LARP1: variants seen among roughly 807,000 people sequenced by gnomAD.
LARP1 encodes the protein La ribonucleoprotein 1, translational regulator.
A neutral mutation model predicts 122.7 loss-of-function variants in LARP1; 36 were observed. The ratio of observed to expected loss-of-function variants is 0.29; its 90% CI spans 0.22 to 0.39. The LOEUF (loss-of-function observed/expected upper bound fraction) is 0.39, where lower values mean the gene tolerates loss of function less well. Ranked by LOEUF, LARP1 falls within the 10% of genes least tolerant of loss-of-function variation. The probability of loss-of-function intolerance (pLI) is 1.00; values close to 1 mark genes in which losing one functional copy is unlikely to be tolerated. For missense variants in LARP1, 1,040 were observed against 1,403.6 expected, an observed-to-expected ratio of 0.74 and a Z score of 4.14; for synonymous variants, 539 against 528.7, an observed-to-expected ratio of 1.02 and a Z score of -0.27.
intron 1 of LARP1, among the ~76,000 whole-genome samples, chr5:154,779,301 A>G (rs1353536777): frequency 4.6e-5 from 7 of 152,148 alleles, no homozygotes; most frequent in Non-Finnish European, 8.8e-5. Context: ...TACAAGCTAC[A>G]TGAGAGATTG....
At chr5:154,697,938 G>GC (rs1266122878) in intron 1 of LARP1, among the ~76,000 whole-genome samples, 2 of 152,022 alleles carry the variant, frequency 1.3e-5, no homozygotes, top group East Asian at 3.9e-4. Flanking sequence ...TGATCCTCTC[G>GC]CCTCAGTCTC....
intron 1 of LARP1, among the ~76,000 whole-genome samples, chr5:154,780,243 A>T (rs1445516200): frequency 6.6e-6 from 1 of 152,206 alleles, no homozygotes; most frequent in Non-Finnish European, 1.5e-5. Flanking sequence ...AGTCTTCCAG[A>T]GGGAGCTGAG....
chr5:154,778,246 C>T (rs1361683843), intron 1 of LARP1, among the ~76,000 whole-genome samples: 6 of 138,060 alleles, frequency 4.3e-5, no homozygotes, highest in South Asian at 2.2e-4. Flanking sequence ...GGCCACAGAG[C>T]GAGACTCCGT....
At chr5:154,688,265 T>C (rs1754028439) in intron 1 of LARP1, among the ~76,000 whole-genome samples, 1 of 152,188 alleles carries the variant, frequency 6.6e-6, no homozygotes, top group African/African-American at 2.4e-5. Context: ...ACTCTATCCC[T>C]GAATATAGTT....
At chr5:154,699,761 C>G (rs562671865) in intron 1 of LARP1, among the ~76,000 whole-genome samples, 1 of 152,070 alleles carries the variant, frequency 6.6e-6, no homozygotes, top group South Asian at 2.1e-4. Flanking sequence ...GTGGAGGGAC[C>G]GAGGTACAAA....
intron 1 of LARP1, among the ~76,000 whole-genome samples, chr5:154,774,852 G>A (rs1336305868): frequency 6.6e-6 from 1 of 152,166 alleles, no homozygotes; most frequent in Non-Finnish European, 1.5e-5. Flanking sequence ...TCTGTATTTT[G>A]ACCAAAGTCT....
intron 1 of LARP1, among the ~76,000 whole-genome samples, chr5:154,764,385 C>A (rs1055977052): frequency 1.3e-5 from 2 of 148,856 alleles, no homozygotes; most frequent in African/African-American, 5.0e-5. Context: ...GGGAGGATCA[C>A]TTGAGCGCAG....
Position 154,739,095 on chromosome 5 carries a change from A to G in LARP1, c.205+25965A>G, listed in dbSNP as rs563115508. 2.0e-5 allele frequency among the ~76,000 whole-genome samples: 3 copies of G among 152,228 alleles called. No homozygotes were observed. In the East Asian group the frequency reaches 5.8e-4, roughly 29 times the overall value. ...CAGTGGTGCAATCTGTGTTCACTGC[A>G]ACCTCTGCCTCCCGGGTTCAAGCAA... On this transcript the variant is annotated intron_variant, in intron 1 of 18. Transcript: ENST00000336314.
In LARP1 at chr5:154,811,287, C is replaced by T; in HGVS notation, c.2884C>T (p.Leu962=). The change falls in exon 17 of 19, where the codon CTG becomes TTG. Residue 962 remains leucine, a synonymous_variant. Coordinates refer to ENST00000518297, the MANE Select transcript of LARP1 (RefSeq NM_033551.3). ...CCTTTTTCGATACTACAGTTATGGC[C>T]TGGAAAAGAAGTTCCGGCTGGACAT... ...ECLFRYYSYG[L]EKKFRLDIFK... 6.2e-7 allele frequency: 1 copy of T among 1,614,136 alleles called. No individual in the cohort carries two copies.
chr5:154,732,021 A>G (rs1190820869), intron 1 of LARP1, among the ~76,000 whole-genome samples: 1 of 53,166 alleles, frequency 1.9e-5, no homozygotes, highest in Non-Finnish European at 3.8e-5. Flanking sequence ...ACTCCGTCTG[A>G]AAAAAAAAAA....
chr5:154,787,672 G>A (rs1756997537), intron 1 of LARP1, among the ~76,000 whole-genome samples: 1 of 152,072 alleles, frequency 6.6e-6, no homozygotes, highest in Non-Finnish European at 1.5e-5. Context: ...TTTTCTCCTT[G>A]TCAGGGGCAA....
At chr5:154,759,284 T>C (rs1188439870) in intron 1 of LARP1, among the ~76,000 whole-genome samples, 2 of 152,198 alleles carry the variant, frequency 1.3e-5, no homozygotes, top group East Asian at 1.9e-4. Flanking sequence ...GGTGGGACTT[T>C]TCCCTGGGTC....
chr5:154,794,698 G>A (rs1157674772), intron 7 of LARP1, among the ~76,000 whole-genome samples: 2 of 152,112 alleles, frequency 1.3e-5, no homozygotes, highest in Non-Finnish European at 2.9e-5. Flanking sequence ...CAAGCAAACC[G>A]GCCCAGTAAT....
chr5:154,807,057 T>C (rs560343419), intron 15 of LARP1, among the ~76,000 whole-genome samples: 1 of 152,358 alleles, frequency 6.6e-6, no homozygotes, highest in East Asian at 1.9e-4. Context: ...ATTCTGGACA[T>C]TTCACATAAA....
In LARP1 at chr5:154,803,481, C is replaced by T; in HGVS notation, c.2234-59C>T. On this transcript the variant is annotated intron_variant, in intron 12 of 18. Coordinates refer to ENST00000518297, the MANE Select transcript of LARP1 (RefSeq NM_033551.3). This position sits in a 1 kb window ranked among gnomAD's most constrained non-coding sequence, Gnocchi z 4.4. The stretch of plus-strand genomic sequence containing the variant: ...CTAGGGCCCTTGGACTGGGGGCTAT[C>T]CTGGGGTGGATGCCACAGGCCTTTC... 6.2e-7 allele frequency: 1 copy of T among 1,613,936 alleles called. No individual in the cohort carries two copies. Among genetic ancestry groups the T allele is most frequent in the African/African-American group, 1.3e-5 (1 of 74,998 alleles).
chr5:154,723,139 CTG>C (rs1755987987), intron 1 of LARP1, among the ~76,000 whole-genome samples: 1 of 152,246 alleles, frequency 6.6e-6, no homozygotes, highest in African/African-American at 2.4e-5. Flanking sequence ...GCTCTGGCCT[CTG>C]GACTCTCACC....
intron 1 of LARP1, among the ~76,000 whole-genome samples, chr5:154,777,989 C>T (rs747206142): frequency 4.6e-5 from 7 of 152,092 alleles, no homozygotes; most frequent in African/African-American, 9.7e-5. Flanking sequence ...AGGATGGGTG[C>T]GGTGACTCAC....
intron 1 of LARP1, among the ~76,000 whole-genome samples, chr5:154,684,094 G>A (rs567033792): frequency 6.6e-6 from 1 of 152,246 alleles, no homozygotes; most frequent in South Asian, 2.1e-4. Flanking sequence ...ACTTTGCTTG[G>A]ATTATTCTCT....
chr5:154,805,719 C>T, intron 14 of LARP1, 162 bp from the exon 15 acceptor site: 1 of 696,908 alleles, frequency 1.4e-6, no homozygotes, highest in Non-Finnish European at 2.5e-6. Flanking sequence ...CAGAGTTAAT[C>T]AGACCCATGG....
Sources: gnomAD v4.1 joint callset for allele counts (sites outside exome capture counted in the v4.1 genomes callset) on GRCh38, gnomAD v4.1.1 for gene constraint, Gnocchi (gnomAD v3.1) non-coding constraint, MANE v1.5 for transcripts, NCBI Gene and HGNC (gene_info 2026-07-23, HGNC 2026-07-21) for gene names.